TAFA5: variants seen among roughly 807,000 people sequenced by gnomAD.
TAFA5 encodes the protein TAFA chemokine like family member 5, also known as chemokine-like protein TAFA-5.
Under a neutral mutation model 15.3 loss-of-function variants are expected in TAFA5, and 6 were observed. The ratio of observed to expected loss-of-function variants is 0.39; its 90% CI spans 0.21 to 0.77. The LOEUF (loss-of-function observed/expected upper bound fraction) is 0.77. Among genes scored for constraint, TAFA5 ranks in the 30% least tolerant of loss-of-function variants. The pLI is 0.41. For missense variants in TAFA5, 161 were observed against 193.1 expected, an observed-to-expected ratio of 0.83 and a Z score of 0.98; for synonymous variants, 103 against 80.7, an observed-to-expected ratio of 1.28 and a Z score of -1.48.
chr22:48,700,268 C>T (rs993618504), intron 2 of TAFA5, among the ~76,000 whole-genome samples: 9 of 152,076 alleles, frequency 5.9e-5, no homozygotes, highest in Middle Eastern at 3.2e-3. Flanking sequence ...CAGCAGAGGT[C>T]GCCTTCCAGC....
intron 1 of TAFA5, among the ~76,000 whole-genome samples, chr22:48,521,818 G>A (rs949892008): frequency 1.3e-5 from 2 of 152,316 alleles, no homozygotes; most frequent in East Asian, 3.9e-4. Context: ...TCCTTAGCAG[G>A]GCTCTCTGCG....
Position 48,530,836 on chromosome 22 carries a change from T to A in TAFA5, c.112+41132T>A, listed in dbSNP as rs1049305384. Reference sequence around the variant, plus strand: ...GAGAGGCGACCCCAGTGCGTGTGGCTATGGGCTTCGACAAAGCAGGGGAGA... The same window carrying A: ...GAGAGGCGACCCCAGTGCGTGTGGCAATGGGCTTCGACAAAGCAGGGGAGA... On this transcript the variant is annotated intron_variant, in intron 1 of 3. Transcript: ENST00000402357. The surrounding 1 kb of genome is among the most constrained non-coding windows in gnomAD (Gnocchi z 6.0). 7.9e-5 allele frequency among the ~76,000 whole-genome samples: 12 copies of A among 152,114 alleles called. No homozygotes were observed. The highest frequency in any genetic ancestry group is 2.7e-4 in the African/African-American group (11 of 41,420).
intron 2 of TAFA5, among the ~76,000 whole-genome samples, chr22:48,647,413 A>G (rs558272306): frequency 8.8e-4 from 133 of 151,540 alleles, no homozygotes; most frequent in Middle Eastern, 3.4e-3. Flanking sequence ...GTCTGGTGGG[A>G]GCCTGTCATC....
chr22:48,720,409 T>C (rs1297480419), intron 3 of TAFA5, among the ~76,000 whole-genome samples: 3 of 152,082 alleles, frequency 2.0e-5, no homozygotes, highest in African/African-American at 2.4e-5. Flanking sequence ...CGAGAATCGC[T>C]GGAGGGGTCA....
rs1928656492 is a variant in TAFA5, at chr22:48,694,813, CCCGCCGCCGCTCCGACCTCCG to C, written c.263-12901_263-12881del. Among the ~76,000 whole-genome samples the C allele has an allele frequency of 1.0e-4, 4 of 38,226 alleles. No homozygotes were observed. The Admixed American group carries it at 1.2e-3, about 11-fold the overall frequency. The allele number at this position is 38,226 out of a possible 152,430, so 25.1% of individuals were successfully genotyped here. On this transcript the variant is annotated intron_variant, in intron 2 of 3. Transcript: ENST00000402357. Reference sequence around the variant, plus strand: ...CCACCGCTCCAGACCTCCGCCCCCACCCGCCGCCGCTCCGACCTCCGCCCCCACCCCCCGCCGCTCCAGACT... The same window carrying C: ...CCACCGCTCCAGACCTCCGCCCCCACCCCCCACCCCCCGCCGCTCCAGACT...
intron 2 of TAFA5, among the ~76,000 whole-genome samples, chr22:48,666,420 C>T (rs1375661462): frequency 6.6e-6 from 1 of 152,144 alleles, no homozygotes; most frequent in Non-Finnish European, 1.5e-5. Context: ...GTCCACAGCT[C>T]CCTCCCACCA....
At chr22:48,617,480 C>T (rs1016990479) in intron 1 of TAFA5, among the ~76,000 whole-genome samples, 1 of 152,318 alleles carries the variant, frequency 6.6e-6, no homozygotes, top group East Asian at 1.9e-4. Context: ...TTCGTTACTG[C>T]AGCCGTGTGG....
At chr22:48,708,012 TTCCTGACCATC>T (rs1379598137) in intron 3 of TAFA5, among the ~76,000 whole-genome samples, 168 bp downstream of exon 3, 5 of 151,350 alleles carry the variant, frequency 3.3e-5, no homozygotes, top group Admixed American at 6.6e-5. Context: ...TGGTGCTAAA[TTCCTGACCATC>T]TGTCCTGGGG....
intron 2 of TAFA5, among the ~76,000 whole-genome samples, chr22:48,701,050 G>GC (rs1928889656): frequency 6.6e-6 from 1 of 152,152 alleles, no homozygotes; most frequent in Non-Finnish European, 1.5e-5. Flanking sequence ...GCCAGCTGTG[G>GC]AGAGGCCCGC....
chr22:48,689,660 CGGACAGA>C (rs754398545), intron 2 of TAFA5, among the ~76,000 whole-genome samples: 1 of 57,398 alleles, frequency 1.7e-5, no homozygotes, highest in Non-Finnish European at 5.6e-5. Context: ...GCCCCTCGGG[CGGACAGA>C]CTGGCCTGTC....
chr22:48,663,997 G>A (rs1927530967), intron 2 of TAFA5, among the ~76,000 whole-genome samples: 1 of 152,236 alleles, frequency 6.6e-6, no homozygotes, highest in Non-Finnish European at 1.5e-5. Context: ...ATCACATGCT[G>A]AGGTTGCTAA....
chr22:48,549,145 G>T (rs1202101105), intron 1 of TAFA5, among the ~76,000 whole-genome samples: 4 of 152,222 alleles, frequency 2.6e-5, no homozygotes, highest in Non-Finnish European at 4.4e-5. Context: ...AATGAGCCTC[G>T]CTTCCAGCCA....
At chr22:48,710,264 G>A (rs1464589230) in intron 3 of TAFA5, among the ~76,000 whole-genome samples, 1 of 152,134 alleles carries the variant, frequency 6.6e-6, no homozygotes, top group Non-Finnish European at 1.5e-5. Context: ...TGGTAAGTGG[G>A]GGACACAGAT....
chr22:48,733,962 C>G (rs1929939150), intron 3 of TAFA5, among the ~76,000 whole-genome samples: 1 of 152,180 alleles, frequency 6.6e-6, no homozygotes, highest in South Asian at 2.1e-4. Context: ...TGGGCAGCCG[C>G]CTGCACAGTG....
intron 1 of TAFA5, chr22:48,576,494 A>C (rs1923808096): frequency 6.7e-7 from 1 of 1,485,786 alleles, no homozygotes; most frequent in African/African-American, 1.4e-5. Flanking sequence ...CAGCTCCTGA[A>C]GGCGCTCTGG....
intron 1 of TAFA5, among the ~76,000 whole-genome samples, chr22:48,594,065 G>T (rs927414220): frequency 6.6e-6 from 1 of 152,210 alleles, no homozygotes; most frequent in Non-Finnish European, 1.5e-5. Flanking sequence ...TTTCCAGGGC[G>T]CTGAGGCCTG....
intron 1 of TAFA5, among the ~76,000 whole-genome samples, chr22:48,492,180 T>C (rs1279879641): frequency 2.7e-5 from 4 of 148,246 alleles, no homozygotes; most frequent in Non-Finnish European, 6.0e-5. Context: ...AATTAAACAG[T>C]TCCTAGGATT....
Position 48,546,421 on chromosome 22 carries a change from G to C in TAFA5, c.112+56717G>C, listed in dbSNP as rs564023700. On this transcript the variant is annotated intron_variant, in intron 1 of 3. Coordinates refer to ENST00000402357, the MANE Select transcript of TAFA5 (RefSeq NM_001082967.3). Reference sequence around the variant, plus strand: ...GGATGGCTCTTGGAGGTCCCCGAGTGACCATCGGACACTGCCCTATCCTCT... The same window carrying C: ...GGATGGCTCTTGGAGGTCCCCGAGTCACCATCGGACACTGCCCTATCCTCT... 40 of 461,568 alleles carry C rather than the reference G, an allele frequency of 8.7e-5. 1 individual carries two copies. Among genetic ancestry groups the C allele is most frequent in the South Asian group, 4.6e-4 (29 of 62,986 alleles). 28.6% of individuals were successfully genotyped at this position (461,568 alleles called of 1,614,324 possible).
chr22:48,521,919 G>A (rs568906738), intron 1 of TAFA5, among the ~76,000 whole-genome samples: 4 of 150,446 alleles, frequency 2.7e-5, no homozygotes, highest in African/African-American at 4.9e-5. Flanking sequence ...TGTAGCTCCT[G>A]CTCAGACCAA....
Sources: allele counts gnomAD v4.1 joint callset (sites outside exome capture counted in the v4.1 genomes callset), GRCh38; gene constraint gnomAD v4.1.1; non-coding constraint Gnocchi (gnomAD v3.1); transcripts MANE v1.5; gene names NCBI Gene and HGNC (gene_info 2026-07-23, HGNC 2026-07-21).